The following CAPN15 variants were observed in gnomAD, a reference collection of about 807,000 sequenced individuals.
CAPN15 encodes calpain-15.
Under a neutral mutation model 97.9 loss-of-function variants are expected in CAPN15, and 53 were observed. That is an observed-to-expected ratio of 0.54 (90% CI 0.43 to 0.68). The LOEUF (loss-of-function observed/expected upper bound fraction) is 0.68. CAPN15 is among the 30% of genes least tolerant of loss of function. The pLI, the probability that CAPN15 is intolerant of heterozygous loss-of-function variation, is 0.00. For missense variants in CAPN15, 1,592 were observed against 1,589.8 expected (o/e 1.00, Z -0.02); for synonymous variants, 922 against 722.5 (o/e 1.28, Z -4.43).
intron 1 of CAPN15, among the ~76,000 whole-genome samples, chr16:532,645 G>A (rs1452280444): frequency 6.6e-6 from 1 of 151,862 alleles, no homozygotes; most frequent in African/African-American, 2.4e-5. Flanking sequence ...GAGGTCAGGA[G>A]ATTGAGACCA....
rs752192304 is a variant in CAPN15 at position 549,743 on chromosome 16, G to A, written c.1971G>A (p.Glu657=). 8.2e-6 allele frequency: 13 copies of A among 1,586,858 alleles called. No individual in the cohort carries two copies. The highest frequency in any genetic ancestry group is 5.7e-5 in the South Asian group (5 of 87,604). The stretch of plus-strand genomic sequence containing the variant: ...CCACGCTCACCGGCGCCCCCTGTGA[G>A]AGCCTGGCGCTGCAGCTCAGCTCCA... ...GLATLTGAPC[E]SLALQLSSTN... The change falls in exon 7 of 14, where the codon GAG becomes GAA. Residue 657 remains glutamate (E), a synonymous_variant. Coordinates refer to ENST00000219611, the MANE Select transcript of CAPN15 (RefSeq NM_005632.3).
At position 552,161 on chromosome 16, in the gene CAPN15, C is replaced by T. The variant is rs1356197407; in HGVS notation, c.2456C>T (p.Thr819Met). 82 of 1,545,944 alleles carry T rather than the reference C, an allele frequency of 5.3e-5. 1 individual carries two copies. Among genetic ancestry groups the T allele is most frequent in the South Asian group, 2.0e-4 (17 of 83,616 alleles). Residue 819 changes from threonine to methionine, a missense_variant, in exon 10 of 14, where the codon ACG becomes ATG. Physicochemically the swap from Thr to Met is moderately conservative, Grantham distance 81 (BLOSUM62 -1). Coordinates refer to ENST00000219611, the MANE Select transcript of CAPN15 (RefSeq NM_005632.3). The surrounding 1 kb of genome is among the most constrained non-coding windows in gnomAD (Gnocchi z 6.4). ...GCGCCCGTGGGGGTAACAGCGCTCACGGTGCTGGAGCGGGCCTCGCTGGAG... is the reference window on the plus strand; with the variant it reads ...GCGCCCGTGGGGGTAACAGCGCTCATGGTGCTGGAGCGGGCCTCGCTGGAG... Reference protein sequence around the residue: ...ASAPVGVTALTVLERASLEFA... With the variant: ...ASAPVGVTALMVLERASLEFA...
intron 7 of CAPN15, among the ~76,000 whole-genome samples, chr16:550,732 CCG>C (rs2034946529): frequency 7.0e-6 from 1 of 142,098 alleles, no homozygotes; most frequent in Admixed American, 7.0e-5. Context: ...GTGAGGGTCC[CCG>C]TCGGTGAGGG....
chr16:527,857 C>G lies in CAPN15; in HGVS notation c.-362C>G, dbSNP rs1459478924. ...CCGGGGCCGGAGCCGGGTCGGGGCGCCCCGCGGCTGAGGAGCGGGAGGCCG... is the reference window on the plus strand; with the variant it reads ...CCGGGGCCGGAGCCGGGTCGGGGCGGCCCGCGGCTGAGGAGCGGGAGGCCG... On this transcript the variant is annotated 5_prime_UTR_variant, in exon 1 of 14. Coordinates refer to ENST00000219611, the MANE Select transcript of CAPN15 (RefSeq NM_005632.3). 6.8e-6 allele frequency: 1 copy of G among 146,860 alleles called. No individual in the cohort carries two copies. Among genetic ancestry groups the G allele is most frequent in the African/African-American group, 2.5e-5 (1 of 40,794 alleles). The allele number at this position is 146,860 out of a possible 1,614,324, so 9.1% of individuals were successfully genotyped here.
At position 547,238 on chromosome 16, in the gene CAPN15, C is replaced by CAGGAGG. The variant is rs763472680; in HGVS notation, c.410_415dup (p.Glu137_Glu138dup). On this transcript the variant is annotated inframe_insertion, in exon 4 of 14. Coordinates refer to ENST00000219611, the MANE Select transcript of CAPN15 (RefSeq NM_005632.3). ...CAAGGACGAGGAGGAGAAGGAGGAG[C>CAGGAGG]AGGAGGAGGAGGAGGGAGCGGCGGA... 3.3e-5 allele frequency: 50 copies of CAGGAGG among 1,515,956 alleles called. No homozygotes were observed. In the East Asian group the frequency reaches 6.7e-4, roughly 20 times the overall value. The allele number at this position is 1,515,956 out of a possible 1,614,324, so 93.9% of individuals were successfully genotyped here.
At position 551,055 on chromosome 16, in the gene CAPN15, GT is replaced by G. The variant is rs1173640576; in HGVS notation, c.2067-246del. On this transcript the variant is annotated intron_variant, in intron 7 of 13. Coordinates refer to ENST00000219611, the MANE Select transcript of CAPN15 (RefSeq NM_005632.3). Reference sequence around the variant, plus strand: ...TCGGTGAGGGCCCCGGTCGGTGAGGGTCCCCGGTCGGTGAGGTCCCCGGTCG... The same window carrying G: ...TCGGTGAGGGCCCCGGTCGGTGAGGGCCCCGGTCGGTGAGGTCCCCGGTCG... 8.9e-5 allele frequency among the ~76,000 whole-genome samples: 12 copies of G among 135,452 alleles called. No individual in the cohort carries two copies. In the East Asian group the frequency reaches 2.0e-3, roughly 22 times the overall value. 88.9% of individuals were successfully genotyped at this position (135,452 alleles called of 152,430 possible). A position where few individuals can be genotyped will look rare whatever the true frequency, so the allele number is the denominator to read the frequency against.
At chr16:537,449 T>G in intron 3 of CAPN15, 1 of 985,374 alleles carries the variant, frequency 1.0e-6, no homozygotes, top group African/African-American at 1.7e-5. Flanking sequence ...AGTGCGTGGG[T>G]GGGTGAGTGG....
chr16:549,590 T>C lies in CAPN15; in HGVS notation c.1843-25T>C, dbSNP rs1158129588. On this transcript the variant is annotated intron_variant, in intron 6 of 13. Transcript: ENST00000219611. ...GGGTAGTGTGGGGGGCGGGCGGGGG[T>C]GGCCTCTGACCCGGCCCTCTGCAGG... The C allele has an allele frequency of 2.3e-6, 3 of 1,327,698 alleles. No homozygotes were observed. In the Admixed American group the frequency reaches 6.3e-5, roughly 28 times the overall value. 82.2% of individuals were successfully genotyped at this position (1,327,698 alleles called of 1,614,324 possible). A position where few individuals can be genotyped will look rare whatever the true frequency, so the allele number is the denominator to read the frequency against.
intron 1 of CAPN15, among the ~76,000 whole-genome samples, chr16:528,337 C>G (rs2033001932): frequency 6.6e-6 from 1 of 152,184 alleles, no homozygotes; most frequent in Non-Finnish European, 1.5e-5. Context: ...CCCCGGGGGC[C>G]GCGCACACCG....
chr16:549,889 C>T lies in CAPN15; in HGVS notation c.2066+51C>T, dbSNP rs74003980. ...AGCCGCGTTGGGAGGAGAGGCGAGG[C>T]GGAGCGGTGGGAGATGTGGGGCTGG... On this transcript the variant is annotated intron_variant, in intron 7 of 13. Coordinates refer to ENST00000219611, the MANE Select transcript of CAPN15 (RefSeq NM_005632.3). The T allele has an allele frequency of 6.4e-3, 9,133 of 1,416,498 alleles. 467 individuals carry two copies. The African/African-American group carries it at 0.11, about 17-fold the overall frequency. The allele number at this position is 1,416,498 out of a possible 1,614,324, so 87.7% of individuals were successfully genotyped here.
intron 2 of CAPN15, 41 bp downstream of exon 2, chr16:534,039 G>C: frequency 1.1e-6 from 1 of 952,332 alleles, no homozygotes; most frequent in Non-Finnish European, 1.3e-6. Context: ...TTATGGGTTT[G>C]CTTGCGCTGC....
chr16:551,738 C>A, intron 9 of CAPN15, 74 bp downstream of exon 9: 1 of 1,555,666 alleles, frequency 6.4e-7, no homozygotes, highest in Non-Finnish European at 8.7e-7. Context: ...GAGAACAAGC[C>A]TGTCCCTCCT....
chr16:545,453 C>T lies in CAPN15; in HGVS notation c.-22-1364C>T, dbSNP rs181012827. ...TCAGCGTCTCCAGCCACAGAAGGGC[C>T]GTGGCCTGCCTTCGCCCTCCTCACC... On this transcript the variant is annotated intron_variant, in intron 3 of 13. Coordinates refer to ENST00000219611, the MANE Select transcript of CAPN15 (RefSeq NM_005632.3). 1.0e-3 allele frequency among the ~76,000 whole-genome samples: 153 copies of T among 152,300 alleles called. 1 individual carries two copies. The highest frequency in any genetic ancestry group is 8.7e-4 in the Non-Finnish European group (59 of 68,018).
At position 547,464 on chromosome 16, in the gene CAPN15, C is replaced by T. The variant is rs1305272465; in HGVS notation, c.626C>T (p.Ala209Val). 4 of 1,593,658 alleles carry T rather than the reference C, an allele frequency of 2.5e-6. No homozygotes were observed. The highest frequency in any genetic ancestry group is 4.5e-5 in the East Asian group (2 of 44,580). The change falls in exon 4 of 14, where the codon GCC (alanine) becomes GTC (valine). Residue 209 changes from alanine (A) to valine (V), a missense_variant. By Grantham distance (64) the Ala-to-Val change is moderately conservative. Around this residue, in one of 3 missense-constraint regions of CAPN15, gnomAD observed 883 missense variants for 776.6 expected, o/e 1.14. Transcript: ENST00000219611. ...CCACCTGGCCTCCCCGGGGAAGGTGCCGAGGCCAACCCCCCAGCCACCAGC... is the reference window on the plus strand; with the variant it reads ...CCACCTGGCCTCCCCGGGGAAGGTGTCGAGGCCAACCCCCCAGCCACCAGC... ...APPPGLPGEG[A>V]EANPPATSQG...
rs58453692 is a variant in CAPN15 at position 535,176 on chromosome 16, C to T, written c.-136-853C>T. The T allele has an allele frequency of 5.4e-3, 822 of 153,084 alleles. 8 individuals are homozygous for T. Among genetic ancestry groups the T allele is most frequent in the African/African-American group, 0.019 (776 of 41,562 alleles). 9.5% of individuals were successfully genotyped at this position (153,084 alleles called of 1,614,324 possible). ...ACTGGAGCCTCAGGAGCATGCGTTC[C>T]GTCCCCACGGGTCACCCCCACTGAG... On this transcript the variant is annotated intron_variant, in intron 2 of 13. Transcript: ENST00000219611. The surrounding 1 kb of genome is among the most constrained non-coding windows in gnomAD (Gnocchi z 6.2).
intron 7 of CAPN15, 38 bp downstream of exon 7, chr16:549,876 A>G: frequency 6.8e-7 from 1 of 1,467,158 alleles, no homozygotes; most frequent in Non-Finnish European, 9.3e-7. Flanking sequence ...CCGCGTTGGG[A>G]GGAGAGGCGA....
rs1409112385 is a variant in CAPN15, at chr16:548,012, T to C, written c.1174T>C (p.Cys392Arg). ...PDCGADKPSP[C>R]GRSCGRVSSA... is the part of the protein sequence containing the mutation. ...CTGTGGGGCCGACAAGCCCAGCCCCTGCGGCAGAAGCTGCGGACGGGTGTC... is the reference window on the plus strand; with the variant it reads ...CTGTGGGGCCGACAAGCCCAGCCCCCGCGGCAGAAGCTGCGGACGGGTGTC... The change falls in exon 4 of 14, where the codon TGC becomes CGC. Residue 392 changes from cysteine (C) to arginine (R), a missense_variant. Coordinates refer to ENST00000219611, the MANE Select transcript of CAPN15 (RefSeq NM_005632.3). 2 of 1,576,142 alleles carry C rather than the reference T, an allele frequency of 1.3e-6. No homozygotes were observed. The highest frequency in any genetic ancestry group is 1.7e-6 in the Non-Finnish European group (2 of 1,163,098).
chr16:536,447 G>C (rs1377373949), intron 3 of CAPN15, among the ~76,000 whole-genome samples: 1 of 150,576 alleles, frequency 6.6e-6, no homozygotes, highest in Non-Finnish European at 1.5e-5. Flanking sequence ...TTTTGAGACG[G>C]AGTCTCGCTC....
chr16:529,498 G>A (rs923560977), intron 1 of CAPN15, among the ~76,000 whole-genome samples: 1 of 152,190 alleles, frequency 6.6e-6, no homozygotes, highest in Non-Finnish European at 1.5e-5. Flanking sequence ...CTGAGCGCCT[G>A]GTCTCTCCCT....
Sources: allele counts gnomAD v4.1 joint callset (sites outside exome capture counted in the v4.1 genomes callset), GRCh38; gene constraint gnomAD v4.1.1; regional missense constraint gnomAD v4.1.1; non-coding constraint Gnocchi (gnomAD v3.1); transcripts MANE v1.5; gene names NCBI Gene and HGNC (gene_info 2026-07-23, HGNC 2026-07-21).